Variants in TRDN observed in about 807,000 individuals in gnomAD.
TRDN encodes the protein triadin.
TRDN carries 161 observed loss-of-function variants against 149.7 expected under a neutral mutation model. The observed-to-expected ratio is 1.08, with a 90% CI of 0.95 to 1.23. TRDN has a LOEUF of 1.23. Ranked by LOEUF, TRDN falls within the 50% of genes most tolerant of loss-of-function variation. The pLI is 0.00. For synonymous variants in TRDN, 294 were observed against 250.5 expected (o/e 1.17, Z -1.64); for missense variants, 896 against 823.5 (o/e 1.09, Z -1.08).
intron 9 of TRDN, among the ~76,000 whole-genome samples, chr6:123,491,874 G>C (rs890435536): frequency 6.6e-6 from 1 of 152,104 alleles, no homozygotes; most frequent in African/African-American, 2.4e-5. Flanking sequence ...AAAGCTAAAT[G>C]GTACCTAGTC....
chr6:123,257,658 A>G (rs1776609721), intron 35 of TRDN, among the ~76,000 whole-genome samples: 1 of 152,118 alleles, frequency 6.6e-6, no homozygotes, highest in Non-Finnish European at 1.5e-5. Context: ...AATTTAAAGT[A>G]GTTTTTTCTA....
At chr6:123,563,805 T>C (rs1402048783) in intron 2 of TRDN, among the ~76,000 whole-genome samples, 1 of 146,340 alleles carries the variant, frequency 6.8e-6, no homozygotes, top group Non-Finnish European at 1.5e-5. Context: ...TTTGTTTGTT[T>C]TTGTTTTTGT....
chr6:123,570,703 A>G (rs929651071), intron 2 of TRDN, among the ~76,000 whole-genome samples: 13 of 152,302 alleles, frequency 8.5e-5, no homozygotes, highest in African/African-American at 3.1e-4. Context: ...GCAAATAAGG[A>G]TATCAATTTC....
At chr6:123,285,260 T>G (rs917739518) in intron 24 of TRDN, among the ~76,000 whole-genome samples, 1 of 152,042 alleles carries the variant, frequency 6.6e-6, no homozygotes, top group Non-Finnish European at 1.5e-5. Flanking sequence ...AGAACAAATC[T>G]GGAGGCATCA....
intron 24 of TRDN, among the ~76,000 whole-genome samples, chr6:123,312,730 TTAGGAATGGCTA>T (rs1440561066): frequency 3.1e-4 from 47 of 152,026 alleles, no homozygotes; most frequent in Non-Finnish European, 1.0e-4. Context: ...TTACTGCTAC[TTAGGAATGGCTA>T]TAGGAATGGC....
intron 24 of TRDN, among the ~76,000 whole-genome samples, chr6:123,299,900 T>C (rs1778341402): frequency 6.6e-6 from 1 of 152,026 alleles, no homozygotes; most frequent in Non-Finnish European, 1.5e-5. Flanking sequence ...AGATATAAAC[T>C]AAGCAATATG....
intron 22 of TRDN, among the ~76,000 whole-genome samples, chr6:123,332,364 G>A (rs879756001): frequency 8.6e-5 from 13 of 151,824 alleles, no homozygotes; most frequent in South Asian, 4.1e-4. Context: ...TGTATGTAGC[G>A]GTGTTTTAGT....
chr6:123,350,236 A>G, intron 21 of TRDN: 1 of 962,818 alleles, frequency 1.0e-6, no homozygotes, highest in Non-Finnish European at 1.2e-6. Flanking sequence ...TTCTTAAGAG[A>G]ACTGAATACT....
chr6:123,438,438 A>C (rs1257424645), intron 11 of TRDN, among the ~76,000 whole-genome samples: 1 of 152,136 alleles, frequency 6.6e-6, no homozygotes, highest in Non-Finnish European at 1.5e-5. Context: ...AAAAGAATAT[A>C]TTGAATGTTC....
intron 24 of TRDN, among the ~76,000 whole-genome samples, chr6:123,310,024 T>C (rs1477550495): frequency 6.6e-6 from 1 of 152,076 alleles, no homozygotes; most frequent in Non-Finnish European, 1.5e-5. Context: ...AGTGATTTTG[T>C]AGCCTCTCTT....
intron 24 of TRDN, among the ~76,000 whole-genome samples, chr6:123,301,682 T>G (rs904670344): frequency 6.7e-6 from 1 of 148,876 alleles, no homozygotes; most frequent in African/African-American, 2.5e-5. Context: ...ACTTTCTCAA[T>G]TTATTGTACG....
chr6:123,342,428 C>T (rs1780098621), intron 21 of TRDN, among the ~76,000 whole-genome samples: 1 of 151,720 alleles, frequency 6.6e-6, no homozygotes, highest in South Asian at 2.1e-4. Flanking sequence ...TCAAAGCTTC[C>T]ATGTTTAAAT....
chr6:123,268,619 A>G (rs1315369425), intron 31 of TRDN, among the ~76,000 whole-genome samples: 6 of 151,814 alleles, frequency 4.0e-5, no homozygotes, highest in Non-Finnish European at 7.4e-5. Flanking sequence ...TTGAATTTGG[A>G]GTTTCTCTAA....
chr6:123,585,149 GA>G (rs199509989), intron 1 of TRDN, among the ~76,000 whole-genome samples: 26,549 of 145,618 alleles, frequency 0.18, 3,266 homozygotes, highest in East Asian at 0.48. Context: ...TAAGGTGGGG[GA>G]ATACAAGAGG....
chr6:123,512,439 T>C (rs1779229602), intron 6 of TRDN, 77 bp from the exon 7 acceptor site: 1 of 822,942 alleles, frequency 1.2e-6, no homozygotes. Context: ...CTCAGTTTCA[T>C]AAGTGCTAAA....
chr6:123,296,612 G>A (rs1474324100), intron 24 of TRDN, among the ~76,000 whole-genome samples: 1 of 152,018 alleles, frequency 6.6e-6, no homozygotes, highest in Non-Finnish European at 1.5e-5. Flanking sequence ...CTTCTGAGCT[G>A]TGTATGAATT....
intron 12 of TRDN, among the ~76,000 whole-genome samples, chr6:123,414,917 C>G (rs1200650351): frequency 1.3e-5 from 2 of 151,988 alleles, no homozygotes; most frequent in Non-Finnish European, 2.9e-5. Context: ...TTTAACATAT[C>G]AAATTTTATT....
chr6:123,248,498 A>C (rs1024520044), intron 38 of TRDN, among the ~76,000 whole-genome samples: 1 of 152,164 alleles, frequency 6.6e-6, no homozygotes, highest in Non-Finnish European at 1.5e-5. Context: ...CAGAAGTTGC[A>C]CTGAGCTGAG....
chr6:123,370,694 C>T lies in TRDN; in HGVS notation c.1274-4512G>A, dbSNP rs143745486. Among the ~76,000 whole-genome samples, 33 of 152,180 alleles carry T rather than the reference C, an allele frequency of 2.2e-4. 2 individuals are homozygous for T. The highest frequency in any genetic ancestry group is 6.7e-4 in the African/African-American group (28 of 41,554). On this transcript the variant is annotated intron_variant, in intron 19 of 40. Transcript: ENST00000334268. Reference sequence around the variant, plus strand: ...GCATACGTGAGAGTTTCTTTTGCTCCGTATCACTACCATCACCAGAATAAG... The same window carrying T: ...GCATACGTGAGAGTTTCTTTTGCTCTGTATCACTACCATCACCAGAATAAG...
Sources: allele counts gnomAD v4.1 joint callset (sites outside exome capture counted in the v4.1 genomes callset), GRCh38; gene constraint gnomAD v4.1.1; transcripts MANE v1.5; gene names NCBI Gene and HGNC (gene_info 2026-07-23, HGNC 2026-07-21).